Variants in WDR7 observed in about 807,000 individuals in gnomAD.
WDR7 encodes WD repeat domain 7.
Under a neutral mutation model 169.4 loss-of-function variants are expected in WDR7, and 46 were observed. The ratio of observed to expected loss-of-function variants is 0.27; its 90% confidence interval spans 0.21 to 0.35. The LOEUF (loss-of-function observed/expected upper bound fraction) is 0.35, where lower values mean the gene tolerates loss of function less well. WDR7 is among the 10% of genes least tolerant of loss of function. The pLI is 1.00. For synonymous variants in WDR7, 612 were observed against 666.8 expected, an observed-to-expected ratio of 0.92 and a Z score of 1.27; for missense variants, 1,534 against 1,859.3, an observed-to-expected ratio of 0.83 and a Z score of 3.22.
chr18:56,979,362 C>T (rs2047610069), intron 26 of WDR7, among the ~76,000 whole-genome samples: 2 of 152,224 alleles, frequency 1.3e-5, no homozygotes. Context: ...TTATGCTAAA[C>T]CACCCAGCCA....
At chr18:56,725,837 T>C (rs940598281) in intron 13 of WDR7, among the ~76,000 whole-genome samples, 1 of 152,280 alleles carries the variant, frequency 6.6e-6, no homozygotes, top group African/African-American at 2.4e-5. Context: ...TTGTATAAGG[T>C]ATAAGGAAGG....
intron 20 of WDR7, among the ~76,000 whole-genome samples, chr18:56,840,067 CA>C (rs2045458027): frequency 6.6e-6 from 1 of 151,598 alleles, no homozygotes; most frequent in South Asian, 2.1e-4. Context: ...ATCTCAAAAA[CA>C]AAACAAAACA....
At chr18:56,832,314 C>T (rs994587273) in intron 20 of WDR7, among the ~76,000 whole-genome samples, 3 of 152,248 alleles carry the variant, frequency 2.0e-5, no homozygotes, top group African/African-American at 7.2e-5. Context: ...GGCAGGGCAT[C>T]TCTGAAAGAA....
chr18:56,911,801 TAAAAG>T (rs2046555698), intron 21 of WDR7, among the ~76,000 whole-genome samples: 2 of 152,360 alleles, frequency 1.3e-5, no homozygotes, highest in South Asian at 2.1e-4. Flanking sequence ...GTGAATTATT[TAAAAG>T]AAGAGACAAT....
chr18:56,914,024 G>T (rs2046589067), intron 21 of WDR7, among the ~76,000 whole-genome samples: 2 of 152,058 alleles, frequency 1.3e-5, no homozygotes, highest in Admixed American at 6.5e-5. Context: ...AGTTTCTCAT[G>T]ACACTTAGAA....
intron 26 of WDR7, among the ~76,000 whole-genome samples, chr18:56,979,328 A>G (rs2047609488): frequency 6.6e-6 from 1 of 152,086 alleles, no homozygotes; most frequent in Non-Finnish European, 1.5e-5. Context: ...TTTCTGTGTT[A>G]TATTTGAGAA....
chr18:56,672,496 G>A lies in WDR7; in HGVS notation c.-19-1G>A. ...TCTGACAATTTTTATAACATTTTCAGGTTTGAAAACACAAACACAATGGCA... is the reference window on the plus strand; with the variant it reads ...TCTGACAATTTTTATAACATTTTCAAGTTTGAAAACACAAACACAATGGCA... On this transcript the variant is annotated splice_acceptor_variant, in intron 1 of 27. Coordinates refer to ENST00000254442, the MANE Select transcript of WDR7 (RefSeq NM_015285.3). LOFTEE classifies it low-confidence loss of function (5UTR_SPLICE). The A allele has an allele frequency of 6.7e-7, 1 of 1,492,132 alleles. No homozygotes were observed. Among genetic ancestry groups the A allele is most frequent in the Non-Finnish European group, 8.9e-7 (1 of 1,117,696 alleles). The allele number at this position is 1,492,132 out of a possible 1,614,324, so 92.4% of individuals were successfully genotyped here. A position where few individuals can be genotyped will look rare whatever the true frequency, so the allele number is the denominator to read the frequency against.
intron 14 of WDR7, among the ~76,000 whole-genome samples, chr18:56,753,043 C>T (rs1599016544): frequency 6.6e-6 from 1 of 152,074 alleles, no homozygotes; most frequent in East Asian, 1.9e-4. Flanking sequence ...ATGTTTTGTG[C>T]TTTGCAGGTA....
intron 9 of WDR7, 74 bp from the exon 10 acceptor site, chr18:56,694,544 GT>G (rs1234541480): frequency 7.0e-7 from 1 of 1,437,408 alleles, no homozygotes; most frequent in Non-Finnish European, 9.4e-7. Flanking sequence ...TAATATCTTT[GT>G]TTGAAAAGCA....
intron 21 of WDR7, among the ~76,000 whole-genome samples, chr18:56,918,117 C>A (rs578096110): frequency 6.6e-6 from 1 of 152,236 alleles, no homozygotes; most frequent in South Asian, 2.1e-4. Context: ...GTACATTTGG[C>A]CTGACATAAC....
chr18:57,006,843 A>T (rs548108823), intron 26 of WDR7, among the ~76,000 whole-genome samples: 39 of 152,268 alleles, frequency 2.6e-4, no homozygotes, highest in Non-Finnish European at 4.7e-4. Flanking sequence ...AATTTGGTTA[A>T]TTTTTTTGTG....
chr18:57,014,159 C>T (rs987335732), intron 26 of WDR7, among the ~76,000 whole-genome samples: 1 of 151,628 alleles, frequency 6.6e-6, no homozygotes, highest in African/African-American at 2.4e-5. Context: ...AACCCTGTCT[C>T]CAATAAAAAT....
rs1278313197 is a variant in WDR7 at position 56,660,505 on chromosome 18, A to G, written c.-20+8929A>G. ...CAAATTTGAAAAAAATCCAAAATCT[A>G]AAACACTTCTGATCCCAAGTGTTTC... On this transcript the variant is annotated intron_variant, in intron 1 of 27. Coordinates refer to ENST00000254442, the MANE Select transcript of WDR7 (RefSeq NM_015285.3). 4.6e-5 allele frequency among the ~76,000 whole-genome samples: 7 copies of G among 152,272 alleles called. No homozygotes were observed. The East Asian group carries it at 1.2e-3, about 25-fold the overall frequency.
At chr18:56,723,490 T>C (rs1170431867) in intron 13 of WDR7, among the ~76,000 whole-genome samples, 1 of 152,152 alleles carries the variant, frequency 6.6e-6, no homozygotes, top group African/African-American at 2.4e-5. Context: ...AGGTATAGAA[T>C]TCTAGGTCAA....
intron 18 of WDR7, among the ~76,000 whole-genome samples, chr18:56,780,862 G>A (rs2044308894): frequency 6.6e-6 from 1 of 152,208 alleles, no homozygotes. Context: ...CTTCATGCCT[G>A]TGGCATTTTT....
intron 21 of WDR7, among the ~76,000 whole-genome samples, chr18:56,913,623 C>CAAAAAA (rs3045241): frequency 7.4e-6 from 1 of 134,828 alleles, no homozygotes; most frequent in Non-Finnish European, 1.6e-5. Context: ...CCCATCTCTA[C>CAAAAAA]AAAAAAAAAA....
In WDR7 at chr18:56,841,623, C is replaced by T. The variant is rs1348013442; in HGVS notation, c.3304+25479C>T. ...TAGATTGATGGGCCCTAATAGAAAACGTAAATTTAAAAATATTTTTCCACC... is the reference window on the plus strand; with the variant it reads ...TAGATTGATGGGCCCTAATAGAAAATGTAAATTTAAAAATATTTTTCCACC... On this transcript the variant is annotated intron_variant, in intron 20 of 27. Transcript: ENST00000254442. Among the ~76,000 whole-genome samples the T allele has an allele frequency of 4.0e-5, 6 of 151,688 alleles. No homozygotes were observed. The East Asian group carries it at 9.7e-4, about 25-fold the overall frequency.
At chr18:56,992,210 T>C (rs1350649865) in intron 26 of WDR7, among the ~76,000 whole-genome samples, 3 of 152,224 alleles carry the variant, frequency 2.0e-5, no homozygotes, top group African/African-American at 7.2e-5. Flanking sequence ...GCAAAATGCA[T>C]TAATATGAAT....
chr18:56,781,740 C>G, intron 19 of WDR7, 84 bp downstream of exon 19: 1 of 1,300,960 alleles, frequency 7.7e-7, no homozygotes, highest in Non-Finnish European at 9.9e-7. Flanking sequence ...ATGCTACTAC[C>G]CATCAACAAA....
Sources: gnomAD v4.1 joint callset for allele counts (sites outside exome capture counted in the v4.1 genomes callset) on GRCh38, gnomAD v4.1.1 for gene constraint, MANE v1.5 for transcripts, NCBI Gene and HGNC (gene_info 2026-07-23, HGNC 2026-07-21) for gene names.